KIF5C: variants seen among roughly 807,000 people sequenced by gnomAD.
KIF5C encodes the protein kinesin family member 5C, also known as kinesin heavy chain isoform 5C.
A neutral mutation model predicts 125.2 loss-of-function variants in KIF5C; 18 were observed. That is an observed-to-expected ratio of 0.14 (90% CI 0.10 to 0.21). The LOEUF is 0.21. Ranked by LOEUF, KIF5C falls within the 10% of genes least tolerant of loss-of-function variation. The probability of loss-of-function intolerance (pLI) is 1.00; values close to 1 mark genes in which losing one functional copy is unlikely to be tolerated. For synonymous variants in KIF5C, 405 were observed against 434.0 expected (o/e 0.93, Z 0.83); for missense variants, 780 against 1,183.8 (o/e 0.66, Z 5.01).
intron 19 of KIF5C, 105 bp downstream of exon 19, chr2:148,998,614 C>T (rs1558940385): frequency 1.3e-6 from 2 of 1,499,926 alleles, no homozygotes; most frequent in African/African-American, 2.8e-5. Context: ...GCTCACCTTG[C>T]CCTGTGGGCA....
intron 12 of KIF5C, among the ~76,000 whole-genome samples, chr2:148,977,901 C>T (rs1249433341): frequency 6.6e-6 from 1 of 152,038 alleles, no homozygotes; most frequent in Non-Finnish European, 1.5e-5. Flanking sequence ...TAGATTTCAC[C>T]CCTGGAAAAG....
chr2:148,978,955 GA>G lies in KIF5C; in HGVS notation c.1331del (p.Lys444SerfsTer2). 1 of 1,595,026 alleles carries G rather than the reference GA, an allele frequency of 6.3e-7. No individual in the cohort carries two copies. Among genetic ancestry groups the G allele is most frequent in the Non-Finnish European group, 8.5e-7 (1 of 1,170,726 alleles). The stretch of plus-strand genomic sequence containing the variant: ...AATTAACCAGCAGAGCCAGCTGGCT[GA>G]AAAGCTGAAGCAACAGATGTTGGAT... The part of the protein sequence containing the change: ...DEINQQSQLA[E>X]KLKQQMLDQD... On this transcript the variant is annotated frameshift_variant, in exon 13 of 26. Coordinates refer to ENST00000435030, the MANE Select transcript of KIF5C (RefSeq NM_004522.3). LOFTEE classifies it high-confidence loss of function.
chr2:148,952,053 G>A (rs887913113), intron 10 of KIF5C, among the ~76,000 whole-genome samples: 2 of 151,934 alleles, frequency 1.3e-5, no homozygotes, highest in African/African-American at 2.4e-5. Context: ...CTCCCAAATC[G>A]CTTCCTTGAT....
At chr2:148,931,731 T>C (rs1288129331) in intron 3 of KIF5C, among the ~76,000 whole-genome samples, 1 of 152,006 alleles carries the variant, frequency 6.6e-6, no homozygotes, top group East Asian at 1.9e-4. Flanking sequence ...ATAGAAGAGA[T>C]ATTTTGCTAG....
chr2:148,993,079 G>C (rs535293547), intron 16 of KIF5C, among the ~76,000 whole-genome samples: 1 of 152,352 alleles, frequency 6.6e-6, no homozygotes, highest in South Asian at 2.1e-4. Context: ...GGGTGAGGAA[G>C]AGGTAGTGCC....
intron 1 of KIF5C, chr2:148,878,413 C>T (rs913683197): frequency 1.3e-5 from 2 of 152,142 alleles, no homozygotes; most frequent in Admixed American, 1.3e-4. Flanking sequence ...TTGTAGTATT[C>T]CATGATATGA....
intron 1 of KIF5C, chr2:148,888,705 A>G (rs1236291987): frequency 6.6e-6 from 1 of 151,986 alleles, no homozygotes; most frequent in Admixed American, 6.5e-5. Context: ...AGCAAGCAAC[A>G]AACGCAGCCC....
intron 15 of KIF5C, among the ~76,000 whole-genome samples, chr2:148,986,090 G>A (rs569566150): frequency 3.0e-4 from 45 of 152,314 alleles, no homozygotes; most frequent in South Asian, 1.2e-3. Context: ...GTTGATATAT[G>A]GGAAGTTGAT....
intron 11 of KIF5C, among the ~76,000 whole-genome samples, chr2:148,972,552 A>G (rs897645290): frequency 1.3e-5 from 2 of 152,210 alleles, no homozygotes; most frequent in Non-Finnish European, 2.9e-5. Context: ...TACCATTTCT[A>G]TCAATTTGAT....
rs1483032916 is a variant in KIF5C at position 149,000,836 on chromosome 2, T to C, written c.2373+54T>C. ...TTGTCTCCAAGACCGGATTCATTTG[T>C]GATTTGTCGGATTATTTCAAAATTT... is the stretch of plus-strand genomic sequence containing the variant. On this transcript the variant is annotated intron_variant, in intron 21 of 25. Transcript: ENST00000435030. 35 of 1,604,082 alleles carry C rather than the reference T, an allele frequency of 2.2e-5. No individual in the cohort carries two copies. In the East Asian group the frequency reaches 7.4e-4, roughly 34 times the overall value.
rs1323328838 is a variant in KIF5C, at chr2:148,937,267, G to T, written c.292-17G>T. The stretch of plus-strand genomic sequence containing the variant: ...CAGCATGCTTTAACTGCCCGTGTTT[G>T]TATTTTCGCCCACTAGGGGAAGCTG... On this transcript the variant is annotated splice_polypyrimidine_tract_variant and intron_variant, in intron 3 of 25. Transcript: ENST00000435030. The T allele has an allele frequency of 6.4e-7, 1 of 1,572,208 alleles. No individual in the cohort carries two copies. Among genetic ancestry groups the T allele is most frequent in the African/African-American group, 1.4e-5 (1 of 74,006 alleles).
At chr2:148,933,887 ACAC>A (rs1455152287) in intron 3 of KIF5C, among the ~76,000 whole-genome samples, 1 of 151,260 alleles carries the variant, frequency 6.6e-6, no homozygotes, top group African/African-American at 2.4e-5. Context: ...GACACACCAC[ACAC>A]AATATATCAC....
At chr2:148,929,055 G>A (rs1682109430) in intron 2 of KIF5C, among the ~76,000 whole-genome samples, 1 of 152,216 alleles carries the variant, frequency 6.6e-6, no homozygotes, top group Non-Finnish European at 1.5e-5. Context: ...GGGAGAAAGT[G>A]TGTCTGCCTC....
At chr2:149,005,520 A>T (rs1393298550) in intron 22 of KIF5C, 56 bp downstream of exon 22, 158 of 1,593,640 alleles carry the variant, frequency 9.9e-5, no homozygotes, top group Middle Eastern at 1.7e-4. Context: ...GGCAGGGAAG[A>T]ATCATTTTCA....
chr2:149,000,841 T>G (rs909230719), intron 21 of KIF5C, 59 bp downstream of exon 21: 19 of 1,600,264 alleles, frequency 1.2e-5, no homozygotes, highest in Non-Finnish European at 1.5e-5. Flanking sequence ...ATTTGTGATT[T>G]GTCGGATTAT....
intron 19 of KIF5C, 197 bp downstream of exon 19, chr2:148,998,706 G>T: frequency 1.1e-6 from 1 of 918,864 alleles, no homozygotes; most frequent in Non-Finnish European, 1.6e-6. Flanking sequence ...TGGAGCCCTG[G>T]CATGGCAGGT....
intron 11 of KIF5C, among the ~76,000 whole-genome samples, chr2:148,970,056 A>G (rs577446367): frequency 6.6e-6 from 1 of 152,310 alleles, no homozygotes; most frequent in East Asian, 1.9e-4. Flanking sequence ...CCTTTAGAAT[A>G]TAAACTGAAA....
At chr2:148,900,481 G>C (rs1680851106) in intron 1 of KIF5C, among the ~76,000 whole-genome samples, 1 of 152,124 alleles carries the variant, frequency 6.6e-6, no homozygotes, top group Non-Finnish European at 1.5e-5. Flanking sequence ...ACAGTCAGCT[G>C]ACATAGGGGC....
At chr2:148,946,796 G>A (rs1682529925) in intron 7 of KIF5C, 103 bp from the exon 8 acceptor site, 1 of 1,511,678 alleles carries the variant, frequency 6.6e-7, no homozygotes, top group Non-Finnish European at 8.8e-7. Flanking sequence ...TTACTTCAAT[G>A]AAATGGATCT....
Sources: gnomAD v4.1 joint callset for allele counts (sites outside exome capture counted in the v4.1 genomes callset) on GRCh38, gnomAD v4.1.1 for gene constraint, MANE v1.5 for transcripts, NCBI Gene and HGNC (gene_info 2026-07-23, HGNC 2026-07-21) for gene names.